CFAP299: variants seen among roughly 807,000 people sequenced by gnomAD.
The protein encoded by CFAP299 is cilia and flagella associated protein 299, also known as cilia- and flagella-associated protein 299.
Under a neutral mutation model 27.0 loss-of-function variants are expected in CFAP299, and 21 were observed. That is an observed-to-expected ratio of 0.78 (90% CI 0.55 to 1.12). CFAP299 has a LOEUF of 1.12. Among genes scored for constraint, CFAP299 ranks in the 50% most tolerant of loss-of-function variants. The probability of loss-of-function intolerance (pLI) is 0.00; values close to 1 mark genes in which losing one functional copy is unlikely to be tolerated. For synonymous variants in CFAP299, 104 were observed against 98.1 expected (o/e 1.06, Z -0.36); for missense variants, 310 against 276.6 (o/e 1.12, Z -0.86).
chr4:80,393,243 T>C lies in CFAP299; in HGVS notation c.242+30359T>C, dbSNP rs1034557592. ...GCAATTGTACAGTGATTCTCTGTTTTAAGCTAAATGTATTACAAAAGAGAC... is the reference window on the plus strand; with the variant it reads ...GCAATTGTACAGTGATTCTCTGTTTCAAGCTAAATGTATTACAAAAGAGAC... On this transcript the variant is annotated intron_variant, in intron 2 of 5. Coordinates refer to ENST00000358105, the MANE Select transcript of CFAP299 (RefSeq NM_152770.3). 7.9e-5 allele frequency among the ~76,000 whole-genome samples: 12 copies of C among 152,196 alleles called. No homozygotes were observed. In the East Asian group the frequency reaches 1.7e-3, roughly 22 times the overall value.
At chr4:80,387,338 C>T (rs980112304) in intron 2 of CFAP299, 1 of 1,545,090 alleles carries the variant, frequency 6.5e-7, no homozygotes, top group Non-Finnish European at 8.9e-7. Context: ...TTTGACCACA[C>T]ATTTGTACAC....
intron 2 of CFAP299, chr4:80,386,656 C>T: frequency 2.5e-6 from 4 of 1,592,002 alleles, no homozygotes; most frequent in Non-Finnish European, 3.4e-6. Flanking sequence ...TGTGGGCGCG[C>T]AGGTGCTCGG....
At chr4:80,767,667 C>T (rs988153865) in intron 3 of CFAP299, among the ~76,000 whole-genome samples, 9 of 152,112 alleles carry the variant, frequency 5.9e-5, no homozygotes, top group African/African-American at 2.2e-4. Context: ...ATTTTCAGAC[C>T]TCAGTTGACC....
chr4:80,365,155 T>C (rs1723761725), intron 2 of CFAP299, among the ~76,000 whole-genome samples: 1 of 152,154 alleles, frequency 6.6e-6, no homozygotes, highest in African/African-American at 2.4e-5. Context: ...GCTATTTCTG[T>C]CTCTAGGTCT....
At chr4:80,348,235 G>A (rs1245079030) in intron 1 of CFAP299, among the ~76,000 whole-genome samples, 1 of 152,192 alleles carries the variant, frequency 6.6e-6, no homozygotes, top group Admixed American at 6.5e-5. Context: ...ACGTCAGCAT[G>A]GGCAAAGATT....
intron 1 of CFAP299, among the ~76,000 whole-genome samples, chr4:80,338,467 T>TA (rs1722273141): frequency 6.6e-6 from 1 of 151,568 alleles, no homozygotes; most frequent in Non-Finnish European, 1.5e-5. Context: ...AGTCACAAGA[T>TA]TTTTTTTTGG....
chr4:80,765,868 C>T (rs1725834163), intron 3 of CFAP299, among the ~76,000 whole-genome samples: 1 of 151,678 alleles, frequency 6.6e-6, no homozygotes, highest in Non-Finnish European at 1.5e-5. Flanking sequence ...CAATAAATTA[C>T]CTAGAATGCA....
chr4:80,422,698 T>C (rs996182049), intron 2 of CFAP299, among the ~76,000 whole-genome samples: 1 of 152,208 alleles, frequency 6.6e-6, no homozygotes, highest in African/African-American at 2.4e-5. Flanking sequence ...ATGATCAATA[T>C]GTTTGTTTGG....
chr4:80,459,537 C>T (rs1017891410), intron 2 of CFAP299, among the ~76,000 whole-genome samples: 2 of 152,190 alleles, frequency 1.3e-5, no homozygotes, highest in South Asian at 2.1e-4. Flanking sequence ...CACTCCTGCT[C>T]TAAAATTTGC....
chr4:80,740,878 A>G (rs1223666416), intron 3 of CFAP299, among the ~76,000 whole-genome samples: 1 of 152,086 alleles, frequency 6.6e-6, no homozygotes, highest in East Asian at 1.9e-4. Flanking sequence ...ACTTAAAGCC[A>G]AGAGCTCTTC....
chr4:80,573,503 G>T (rs1180161863), intron 2 of CFAP299, among the ~76,000 whole-genome samples: 1 of 152,020 alleles, frequency 6.6e-6, no homozygotes, highest in Non-Finnish European at 1.5e-5. Context: ...TTGGTTGCCT[G>T]TGCTTTTGGG....
chr4:80,934,545 T>A (rs1383026817), intron 4 of CFAP299, among the ~76,000 whole-genome samples: 2 of 152,106 alleles, frequency 1.3e-5, no homozygotes, highest in Non-Finnish European at 2.9e-5. Flanking sequence ...CTAAGCTTTT[T>A]TTTTTCATTG....
rs1316413537 is a variant in CFAP299, at chr4:80,591,104, AATTTTTTTTT to A, written c.333+7922_333+7931del. Among the ~76,000 whole-genome samples the A allele has an allele frequency of 7.8e-4, 91 of 116,532 alleles. No homozygotes were observed. In the South Asian group the frequency reaches 0.017, roughly 22 times the overall value. 76.4% of individuals were successfully genotyped at this position (116,532 alleles called of 152,430 possible). A position where few individuals can be genotyped will look rare whatever the true frequency, so the allele number is the denominator to read the frequency against. On this transcript the variant is annotated intron_variant, in intron 3 of 5. Coordinates refer to ENST00000358105, the MANE Select transcript of CFAP299 (RefSeq NM_152770.3). ...AGAAACAGATTATAATACTTTAGGA[AATTTTTTTTT>A]TTTTTTTTTTTTTTTTTATTTTTTT... is the stretch of plus-strand genomic sequence containing the variant.
chr4:80,663,082 C>T (rs1740948583), intron 3 of CFAP299, among the ~76,000 whole-genome samples: 2 of 150,370 alleles, frequency 1.3e-5, no homozygotes, highest in African/African-American at 2.4e-5. Context: ...TATTAATAAT[C>T]AGTTGTATCA....
At chr4:80,854,737 G>A (rs922477447) in intron 3 of CFAP299, among the ~76,000 whole-genome samples, 6 of 139,426 alleles carry the variant, frequency 4.3e-5, no homozygotes, top group East Asian at 2.3e-4. Flanking sequence ...GAGCGTGGGC[G>A]TTTATGGTCA....
intron 3 of CFAP299, among the ~76,000 whole-genome samples, chr4:80,694,528 T>C (rs1720965198): frequency 6.6e-6 from 1 of 152,230 alleles, no homozygotes; most frequent in African/African-American, 2.4e-5. Context: ...AGCTTCATGA[T>C]AATATGCAGT....
chr4:80,380,931 T>C (rs1193643974), intron 2 of CFAP299, among the ~76,000 whole-genome samples: 1 of 152,238 alleles, frequency 6.6e-6, no homozygotes, highest in African/African-American at 2.4e-5. Flanking sequence ...CCTATTTGTC[T>C]TCTAGATATT....
chr4:80,936,795 A>T (rs1367430560), intron 4 of CFAP299, among the ~76,000 whole-genome samples: 6 of 152,084 alleles, frequency 3.9e-5, no homozygotes, highest in African/African-American at 7.2e-5. Context: ...AAATAAAAAT[A>T]AAAAAATAAA....
At chr4:80,398,283 A>G (rs950524052) in intron 2 of CFAP299, among the ~76,000 whole-genome samples, 2 of 152,212 alleles carry the variant, frequency 1.3e-5, no homozygotes, top group African/African-American at 4.8e-5. Context: ...TATAGATTCA[A>G]TGCTGTCCCC....
Sources: allele counts gnomAD v4.1 joint callset (sites outside exome capture counted in the v4.1 genomes callset), GRCh38; gene constraint gnomAD v4.1.1; transcripts MANE v1.5; gene names NCBI Gene and HGNC (gene_info 2026-07-23, HGNC 2026-07-21).